Variants in RMST observed in about 807,000 individuals in gnomAD.
The protein encoded by RMST is long intergenic non-protein coding RNA 54.
At chr12:97,562,457 TG>T (rs1256118849) in intron 13 of RMST, among the ~76,000 whole-genome samples, 2 of 145,372 alleles carry the variant, frequency 1.4e-5, no homozygotes, top group Non-Finnish European at 3.0e-5. Flanking sequence ...AGAGGAGCGG[TG>T]GGGGTTGGGA....
intron 10 of RMST, among the ~76,000 whole-genome samples, chr12:97,518,290 T>C (rs1880144531): frequency 1.3e-5 from 2 of 152,190 alleles, no homozygotes; most frequent in East Asian, 1.9e-4. Context: ...ACTGAAACTA[T>C]TGATATTTAT....
chr12:97,558,089 C>T (rs1411920638), intron 11 of RMST, among the ~76,000 whole-genome samples: 1 of 152,106 alleles, frequency 6.6e-6, no homozygotes, highest in Non-Finnish European at 1.5e-5. Context: ...CCTCTTCCTT[C>T]ATCACCTCCT....
intron 10 of RMST, among the ~76,000 whole-genome samples, chr12:97,528,113 A>C (rs1881290763): frequency 6.6e-6 from 1 of 152,120 alleles, no homozygotes; most frequent in Admixed American, 6.6e-5. Flanking sequence ...TTGATTCTAC[A>C]TTTTGAGATT....
At chr12:97,515,747 C>A (rs1879858497) in intron 10 of RMST, among the ~76,000 whole-genome samples, 2 of 151,876 alleles carry the variant, frequency 1.3e-5, no homozygotes, top group South Asian at 4.2e-4. Context: ...GGTGATAAGT[C>A]CCAGGGGTGG....
intron 11 of RMST, chr12:97,560,487 T>G (rs770725603): frequency 6.6e-6 from 1 of 152,176 alleles, no homozygotes; most frequent in South Asian, 2.1e-4. Flanking sequence ...AGCAAGACTG[T>G]TGTGTGAAGT....
intron 5 of RMST, among the ~76,000 whole-genome samples, chr12:97,480,154 G>C (rs1360973447): frequency 6.8e-6 from 1 of 147,472 alleles, no homozygotes; most frequent in Non-Finnish European, 1.5e-5. Context: ...GCAGTGGCCT[G>C]ATCTCGGCTC....
chr12:97,558,056 T>C (rs1189429478), intron 11 of RMST, among the ~76,000 whole-genome samples: 1 of 152,146 alleles, frequency 6.6e-6, no homozygotes, highest in Admixed American at 6.6e-5. Context: ...TTTCCTCCTC[T>C]ACCTTTTCCT....
At position 97,528,198 on chromosome 12, in the gene RMST, G is replaced by T. The variant is rs780452734; in HGVS notation, n.1341-2457G>T. The stretch of plus-strand genomic sequence containing the variant: ...TTCTAATTCTACAAAACATATTTTC[G>T]ATTTTAACACTTCTCCATCCAGTCT... On this transcript the variant is annotated intron_variant and non_coding_transcript_variant, in intron 10 of 13. Coordinates refer to ENST00000640149, the Ensembl canonical transcript of RMST. Among the ~76,000 whole-genome samples the T allele has an allele frequency of 8.6e-5, 13 of 151,982 alleles. No individual in the cohort carries two copies. The East Asian group carries it at 2.3e-3, about 27-fold the overall frequency.
intron 5 of RMST, among the ~76,000 whole-genome samples, chr12:97,481,050 G>A (rs1875212507): frequency 6.6e-6 from 1 of 152,174 alleles, no homozygotes; most frequent in South Asian, 2.1e-4. Flanking sequence ...AGACTTCCTT[G>A]AATAAGAATT....
chr12:97,535,206 A>G (rs1831207874), intron 11 of RMST, among the ~76,000 whole-genome samples: 1 of 151,686 alleles, frequency 6.6e-6, no homozygotes, highest in African/African-American at 2.4e-5. Flanking sequence ...TCCCAATGTT[A>G]ACTTTCCAAC....
At chr12:97,479,994 G>T (rs1593140118) in intron 5 of RMST, among the ~76,000 whole-genome samples, 1 of 152,018 alleles carries the variant, frequency 6.6e-6, no homozygotes, top group South Asian at 2.1e-4. Flanking sequence ...AGAAACCCAA[G>T]AATCACTTTT....
At chr12:97,547,735 A>G (rs1321171121) in intron 11 of RMST, among the ~76,000 whole-genome samples, 2 of 151,994 alleles carry the variant, frequency 1.3e-5, no homozygotes, top group Non-Finnish European at 2.9e-5. Context: ...ATTTTAAATC[A>G]GATTATTTGT....
chr12:97,474,280 G>C (rs571381859), intron 5 of RMST, among the ~76,000 whole-genome samples: 1 of 152,032 alleles, frequency 6.6e-6, no homozygotes, highest in Non-Finnish European at 1.5e-5. Flanking sequence ...AGCAAGGTTC[G>C]CCATCCACTT....
At chr12:97,538,146 C>A (rs1176435203) in intron 11 of RMST, among the ~76,000 whole-genome samples, 1 of 151,186 alleles carries the variant, frequency 6.6e-6, no homozygotes, top group East Asian at 1.9e-4. Flanking sequence ...TCCTTTTGCA[C>A]CCCCCAAAAA....
intron 5 of RMST, among the ~76,000 whole-genome samples, chr12:97,481,544 G>A (rs1042230359): frequency 4.6e-5 from 7 of 151,966 alleles, no homozygotes; most frequent in Non-Finnish European, 7.4e-5. Context: ...TTTTCATACC[G>A]AGAAATAGCA....
At chr12:97,548,468 G>T (rs1449476122) in intron 11 of RMST, among the ~76,000 whole-genome samples, 2 of 151,852 alleles carry the variant, frequency 1.3e-5, no homozygotes, top group Non-Finnish European at 2.9e-5. Flanking sequence ...TGAATCTGTA[G>T]ATCATGAATA....
intron 10 of RMST, among the ~76,000 whole-genome samples, chr12:97,523,392 G>A (rs1472080198): frequency 6.6e-6 from 1 of 152,178 alleles, no homozygotes; most frequent in African/African-American, 2.4e-5. Context: ...GTTATAGTTA[G>A]ATAGGAGGAA....
chr12:97,500,474 G>C (rs1877962490), intron 10 of RMST, among the ~76,000 whole-genome samples: 2 of 152,162 alleles, frequency 1.3e-5, no homozygotes, highest in Non-Finnish European at 2.9e-5. Flanking sequence ...CAATAATAAT[G>C]ACTGCTGACT....
chr12:97,485,582 C>A (rs1875995693), intron 5 of RMST, among the ~76,000 whole-genome samples: 1 of 152,148 alleles, frequency 6.6e-6, no homozygotes. Flanking sequence ...TAATGCCAAG[C>A]ATCTGCCTGA....
Sources: gnomAD v4.1 joint callset for allele counts (sites outside exome capture counted in the v4.1 genomes callset) on GRCh38, gnomAD v4.1.1 for gene constraint, MANE v1.5 for transcripts, NCBI Gene and HGNC (gene_info 2026-07-23, HGNC 2026-07-21) for gene names.